The following CNTNAP2 variants were observed in gnomAD, a reference collection of about 807,000 sequenced individuals.
The protein encoded by CNTNAP2 is contactin associated protein 2, also known as contactin-associated protein-like 2.
In CNTNAP2, 98 loss-of-function variants were observed where a neutral mutation model predicts 155.2. The ratio of observed to expected loss-of-function variants is 0.63; its 90% CI spans 0.54 to 0.75. CNTNAP2 has a LOEUF of 0.75. Among genes scored for constraint, CNTNAP2 ranks in the 30% least tolerant of loss-of-function variants. CNTNAP2 has a pLI of 0.00. For synonymous variants in CNTNAP2, 651 were observed against 631.2 expected (o/e 1.03, Z -0.47); for missense variants, 1,727 against 1,688.1 (o/e 1.02, Z -0.40).
intron 13 of CNTNAP2, among the ~76,000 whole-genome samples, chr7:147,659,848 A>G (rs770672232): frequency 2.0e-5 from 3 of 150,728 alleles, no homozygotes; most frequent in Non-Finnish European, 4.4e-5. Flanking sequence ...CCCCTAAGAG[A>G]TTGTTTTGAA....
At chr7:146,354,632 G>C (rs6464753) in intron 1 of CNTNAP2, among the ~76,000 whole-genome samples, 76,661 of 151,732 alleles carry the variant, frequency 0.51, 23,579 homozygotes, top group African/African-American at 0.87. Flanking sequence ...CCAGGCTGAT[G>C]TCAAATTCCT....
chr7:146,803,557 A>G (rs754287379), intron 2 of CNTNAP2, among the ~76,000 whole-genome samples: 4 of 152,220 alleles, frequency 2.6e-5, no homozygotes, highest in African/African-American at 4.8e-5. Flanking sequence ...TTTGCATTAA[A>G]CAAATGAAAA....
chr7:147,900,874 G>T (rs1042683320), intron 13 of CNTNAP2, among the ~76,000 whole-genome samples: 10 of 152,166 alleles, frequency 6.6e-5, no homozygotes, highest in African/African-American at 2.2e-4. Flanking sequence ...TGCCCTGATA[G>T]TTCCTAAAAC....
chr7:147,622,664 C>T (rs1794885726), intron 12 of CNTNAP2, among the ~76,000 whole-genome samples: 1 of 151,840 alleles, frequency 6.6e-6, no homozygotes, highest in Non-Finnish European at 1.5e-5. Flanking sequence ...ATAGCTATAA[C>T]TGTCTACATC....
chr7:146,644,558 A>C (rs1468652641), intron 1 of CNTNAP2, among the ~76,000 whole-genome samples: 6 of 152,136 alleles, frequency 3.9e-5, no homozygotes, highest in African/African-American at 1.4e-4. Flanking sequence ...TCGGTTTGCC[A>C]GTATTTTATT....
At chr7:146,372,360 A>C (rs1795248265) in intron 1 of CNTNAP2, among the ~76,000 whole-genome samples, 1 of 152,182 alleles carries the variant, frequency 6.6e-6, no homozygotes. Context: ...CTAACACTTA[A>C]ATGGACACAA....
intron 16 of CNTNAP2, among the ~76,000 whole-genome samples, chr7:148,142,567 C>G (rs1025976363): frequency 6.6e-6 from 1 of 152,154 alleles, no homozygotes; most frequent in Non-Finnish European, 1.5e-5. Context: ...ATGGAAAAAA[C>G]GTATCATTAC....
At chr7:146,760,013 C>A (rs879878741) in intron 1 of CNTNAP2, among the ~76,000 whole-genome samples, 56 of 152,218 alleles carry the variant, frequency 3.7e-4, no homozygotes, top group Non-Finnish European at 6.3e-4. Flanking sequence ...AGTGCTGTAG[C>A]CCTTGCTTTC....
intron 2 of CNTNAP2, among the ~76,000 whole-genome samples, chr7:146,796,160 A>C (rs555411570): frequency 6.6e-6 from 1 of 152,326 alleles, no homozygotes; most frequent in South Asian, 2.1e-4. Context: ...GCTTTATTGA[A>C]AGTGAAGGCT....
chr7:146,995,425 T>A (rs905587514), intron 3 of CNTNAP2, among the ~76,000 whole-genome samples: 3 of 152,096 alleles, frequency 2.0e-5, no homozygotes, highest in Non-Finnish European at 2.9e-5. Flanking sequence ...TTTTCTATAA[T>A]GACTATATTA....
chr7:147,766,718 T>C (rs1333999156), intron 13 of CNTNAP2, among the ~76,000 whole-genome samples: 5 of 152,118 alleles, frequency 3.3e-5, no homozygotes, highest in African/African-American at 9.7e-5. Flanking sequence ...AATTCTTTTG[T>C]ACAAAATTTC....
At chr7:147,309,954 A>G (rs573412308) in intron 9 of CNTNAP2, among the ~76,000 whole-genome samples, 34 of 152,236 alleles carry the variant, frequency 2.2e-4, no homozygotes, top group African/African-American at 7.7e-4. Context: ...TTCCCAAAGA[A>G]CTTTCAGGCT....
At chr7:148,393,579 A>G (rs1356261552) in intron 22 of CNTNAP2, among the ~76,000 whole-genome samples, 3 of 151,862 alleles carry the variant, frequency 2.0e-5, no homozygotes, top group South Asian at 2.1e-4. Flanking sequence ...CAGTGTTTTC[A>G]TAGAAAATCA....
At chr7:146,559,090 G>T (rs1209628250) in intron 1 of CNTNAP2, among the ~76,000 whole-genome samples, 8 of 152,028 alleles carry the variant, frequency 5.3e-5, no homozygotes, top group African/African-American at 1.9e-4. Flanking sequence ...TATATTTTGA[G>T]ATCTACTGCA....
At chr7:146,750,161 A>C (rs1801878906) in intron 1 of CNTNAP2, among the ~76,000 whole-genome samples, 1 of 152,052 alleles carries the variant, frequency 6.6e-6, no homozygotes, top group African/African-American at 2.4e-5. Context: ...AATTATCTCA[A>C]CATCAACTCA....
At chr7:147,894,915 T>C (rs936304349) in intron 13 of CNTNAP2, among the ~76,000 whole-genome samples, 17 of 150,598 alleles carry the variant, frequency 1.1e-4, no homozygotes, top group African/African-American at 3.9e-4. Flanking sequence ...TGAAAATAAA[T>C]AACAGAAATC....
intron 8 of CNTNAP2, among the ~76,000 whole-genome samples, chr7:147,197,321 A>G (rs187207095): frequency 6.6e-6 from 1 of 152,056 alleles, no homozygotes; most frequent in Admixed American, 6.6e-5. Context: ...TTGAGTCCCT[A>G]TGCTCGGGCC....
chr7:147,601,419 G>A (rs1800941164), intron 12 of CNTNAP2, among the ~76,000 whole-genome samples: 1 of 151,856 alleles, frequency 6.6e-6, no homozygotes, highest in African/African-American at 2.4e-5. Context: ...CTCAGTGGGG[G>A]AGCTTTTGAG....
At chr7:146,725,326 A>C (rs997617559) in intron 1 of CNTNAP2, among the ~76,000 whole-genome samples, 2 of 152,200 alleles carry the variant, frequency 1.3e-5, no homozygotes, top group Non-Finnish European at 2.9e-5. Flanking sequence ...CAGACATTAT[A>C]ACAGTGAGAA....
Sources: allele counts gnomAD v4.1 joint callset (sites outside exome capture counted in the v4.1 genomes callset), GRCh38; gene constraint gnomAD v4.1.1; transcripts MANE v1.5; gene names NCBI Gene and HGNC (gene_info 2026-07-23, HGNC 2026-07-21).